ACTR3C: variants seen among roughly 807,000 people sequenced by gnomAD.
ACTR3C encodes the protein actin related protein 3C.
A neutral mutation model predicts 26.3 loss-of-function variants in ACTR3C; 18 were observed. The ratio of observed to expected loss-of-function variants is 0.68; its 90% CI spans 0.47 to 1.01. ACTR3C has a LOEUF of 1.01. ACTR3C is among the 50% of genes least tolerant of loss of function. ACTR3C has a pLI of 0.00. For missense variants in ACTR3C, 184 were observed against 250.7 expected (o/e 0.73, Z 1.80); for synonymous variants, 55 against 94.5 (o/e 0.58, Z 2.42).
At chr7:150,029,822 C>T in the ACTR3C span, among the ~76,000 whole-genome samples, 57 of 152,140 alleles carry the variant, frequency 3.7e-4, no homozygotes, top group African/African-American at 1.3e-3. Flanking sequence ...ACATACCTCC[C>T]TGAATACTCT....
At chr7:150,042,503 T>G in the ACTR3C span, among the ~76,000 whole-genome samples, 3 of 143,044 alleles carry the variant, frequency 2.1e-5, no homozygotes, top group African/African-American at 5.5e-5. Context: ...CTCGCGGGGA[T>G]TGCCTCGCCC....
chr7:150,278,853 G>A (rs1358294369), intron 6 of ACTR3C, among the ~76,000 whole-genome samples: 1 of 152,206 alleles, frequency 6.6e-6, no homozygotes, highest in African/African-American at 2.4e-5. Context: ...CCAAACCAGA[G>A]CAGCTACCTT....
At chr7:150,034,382 G>C in the ACTR3C span, among the ~76,000 whole-genome samples, 5 of 151,582 alleles carry the variant, frequency 3.3e-5, no homozygotes, top group African/African-American at 1.2e-4. Flanking sequence ...TTGTCAGATC[G>C]GGTAGCCCCA....
the ACTR3C span, among the ~76,000 whole-genome samples, chr7:150,025,551 T>A: frequency 9.2e-5 from 14 of 152,130 alleles, no homozygotes; most frequent in South Asian, 2.7e-3. Flanking sequence ...CCTCTTTTAC[T>A]CTCATTTGAA....
chr7:149,892,508 C>T, the ACTR3C span: 3 of 1,020,492 alleles, frequency 2.9e-6, no homozygotes, highest in African/African-American at 1.6e-5. Context: ...ATTGTTAGGG[C>T]TCCATGTGGG....
chr7:149,924,770 C>T, the ACTR3C span, among the ~76,000 whole-genome samples: 1 of 150,992 alleles, frequency 6.6e-6, no homozygotes, highest in Non-Finnish European at 1.5e-5. Flanking sequence ...GGATTACAGG[C>T]GTGTGCCACC....
the ACTR3C span, among the ~76,000 whole-genome samples, chr7:150,172,385 C>A: frequency 6.6e-6 from 1 of 150,554 alleles, no homozygotes; most frequent in African/African-American, 2.5e-5. Flanking sequence ...AACGTGGAAA[C>A]CCCTGATAAA....
intron 6 of ACTR3C, among the ~76,000 whole-genome samples, chr7:150,252,120 GTGTC>G (rs1187442067): frequency 6.9e-6 from 1 of 145,406 alleles, no homozygotes; most frequent in Non-Finnish European, 1.5e-5. Context: ...GTTTGTGTAT[GTGTC>G]TGTGTGTGTG....
the ACTR3C span, among the ~76,000 whole-genome samples, chr7:150,218,089 TC>T: frequency 1.5e-4 from 23 of 149,440 alleles, no homozygotes; most frequent in African/African-American, 5.7e-4. Context: ...AAACAACTGT[TC>T]CAAAACATCT....
the ACTR3C span, among the ~76,000 whole-genome samples, chr7:150,124,988 G>A: frequency 6.6e-6 from 1 of 152,228 alleles, no homozygotes; most frequent in Non-Finnish European, 1.5e-5. Flanking sequence ...GTGACGGCTA[G>A]AGCCATTATT....
the ACTR3C span, chr7:150,001,792 C>A: frequency 1.2e-4 from 18 of 150,936 alleles, no homozygotes; most frequent in African/African-American, 3.7e-4. Context: ...GAGCTTCCTG[C>A]CTGGAGTGGA....
chr7:149,943,225 G>T, the ACTR3C span, among the ~76,000 whole-genome samples: 5,607 of 112,258 alleles, frequency 0.05, 265 homozygotes, highest in African/African-American at 0.14. Flanking sequence ...GTAGGTCCTG[G>T]AAAGCCTAAA....
the ACTR3C span, among the ~76,000 whole-genome samples, chr7:150,125,256 ATT>A: frequency 1.3e-4 from 18 of 143,040 alleles, no homozygotes; most frequent in African/African-American, 3.6e-4. Flanking sequence ...TCATTGCAGT[ATT>A]TTTTTTTTTT....
chr7:149,983,016 C>T, the ACTR3C span, among the ~76,000 whole-genome samples: 2 of 152,094 alleles, frequency 1.3e-5, no homozygotes, highest in African/African-American at 4.8e-5. Flanking sequence ...GCCAATAATA[C>T]ACGATGGGAA....
chr7:150,135,443 C>A, the ACTR3C span, among the ~76,000 whole-genome samples: 1 of 152,060 alleles, frequency 6.6e-6, no homozygotes, highest in African/African-American at 2.4e-5. Flanking sequence ...AAGGAGGGAC[C>A]GGAATGGTTA....
chr7:150,058,921 A>G, the ACTR3C span, among the ~76,000 whole-genome samples: 24 of 152,118 alleles, frequency 1.6e-4, no homozygotes, highest in African/African-American at 5.3e-4. Context: ...CTGCCTCAAA[A>G]AAACAAACAA....
the ACTR3C span, among the ~76,000 whole-genome samples, chr7:150,209,993 G>A: frequency 6.7e-6 from 1 of 148,908 alleles, no homozygotes; most frequent in Non-Finnish European, 1.5e-5. Context: ...CAAATATATA[G>A]CTGATAAAGA....
chr7:150,055,094 G>C, the ACTR3C span, among the ~76,000 whole-genome samples: 4 of 152,202 alleles, frequency 2.6e-5, no homozygotes, highest in African/African-American at 9.7e-5. Flanking sequence ...TATTATAGCA[G>C]CACCAAGTAG....
chr7:150,014,597 C>T, the ACTR3C span, among the ~76,000 whole-genome samples: 2 of 152,144 alleles, frequency 1.3e-5, no homozygotes, highest in African/African-American at 2.4e-5. Context: ...GCAGGACCAG[C>T]ACTAGCAAAC....
Sources: allele counts gnomAD v4.1 joint callset (sites outside exome capture counted in the v4.1 genomes callset), GRCh38; gene constraint gnomAD v4.1.1; transcripts MANE v1.5; gene names NCBI Gene and HGNC (gene_info 2026-07-23, HGNC 2026-07-21).